AASS: variants seen among roughly 807,000 people sequenced by gnomAD.
The protein encoded by AASS is aminoadipate-semialdehyde synthase.
In AASS, 86 loss-of-function variants were observed where a neutral mutation model predicts 105.4. The observed-to-expected ratio is 0.82, with a 90% CI of 0.69 to 0.98. AASS has a LOEUF of 0.98. Ranked by LOEUF, AASS falls within the 50% of genes least tolerant of loss-of-function variation. The pLI is 0.00. For synonymous variants in AASS, 381 were observed against 394.8 expected, an observed-to-expected ratio of 0.96 and a Z score of 0.41; for missense variants, 1,048 against 1,143.2, an observed-to-expected ratio of 0.92 and a Z score of 1.20.
chr7:122,137,775 T>A (rs1009750326), intron 1 of AASS, among the ~76,000 whole-genome samples: 1 of 152,154 alleles, frequency 6.6e-6, no homozygotes, highest in African/African-American at 2.4e-5. Flanking sequence ...GTCCTGGATT[T>A]TGTGGTATTT....
intron 19 of AASS, chr7:122,082,982 G>A (rs1264967471): frequency 6.6e-5 from 47 of 707,270 alleles, no homozygotes; most frequent in Non-Finnish European, 9.6e-5. Context: ...GTGTGCAAAT[G>A]GGAAGCAGGG....
chr7:122,094,289 G>A (rs1198792014), intron 15 of AASS, among the ~76,000 whole-genome samples: 1 of 151,962 alleles, frequency 6.6e-6, no homozygotes, highest in Non-Finnish European at 1.5e-5. Flanking sequence ...GGAAAGACGT[G>A]ATCAATGACT....
intron 19 of AASS, chr7:122,082,990 G>T: frequency 1.6e-6 from 1 of 617,866 alleles, no homozygotes; most frequent in Non-Finnish European, 2.7e-6. Flanking sequence ...ATGGGAAGCA[G>T]GGTGAGAAGG....
Position 122,076,116 on chromosome 7 carries a change from G to T in AASS, c.*373C>A. The stretch of plus-strand genomic sequence containing the variant: ...GTGAACCCAGGAGGCGGAGCTTGCA[G>T]TGAGCCGAGATCGCGCCACTGCACT... On this transcript the variant is annotated 3_prime_UTR_variant, in exon 24 of 24. Transcript: ENST00000417368. 4.7e-6 allele frequency: 1 copy of T among 211,544 alleles called. No homozygotes were observed. The highest frequency in any genetic ancestry group is 6.7e-5 in the South Asian group (1 of 15,004). The allele number at this position is 211,544 out of a possible 1,614,324, so 13.1% of individuals were successfully genotyped here. A position where few individuals can be genotyped will look rare whatever the true frequency, so the allele number is the denominator to read the frequency against.
intron 8 of AASS, 124 bp downstream of exon 8, chr7:122,116,509 T>C: frequency 8.1e-7 from 1 of 1,234,150 alleles, no homozygotes; most frequent in Non-Finnish European, 1.2e-6. Flanking sequence ...CAAATCATGA[T>C]ACCCAAAGGA....
rs1228247933 is a variant in AASS at position 122,074,597 on chromosome 7, T to C, written c.*1892A>G. 6.6e-6 allele frequency among the ~76,000 whole-genome samples: 1 copy of C among 152,190 alleles called. No individual in the cohort carries two copies. The highest frequency in any genetic ancestry group is 1.5e-5 in the Non-Finnish European group (1 of 68,030). ...ACGCCATGTTTTCTTTGAAGATACT[T>C]ACAATATTAGCTCTTACATTTAGAT... On this transcript the variant is annotated 3_prime_UTR_variant, in exon 24 of 24. Transcript: ENST00000417368.
At chr7:122,090,663 A>G (rs987877054) in intron 18 of AASS, among the ~76,000 whole-genome samples, 9 of 152,160 alleles carry the variant, frequency 5.9e-5, no homozygotes, top group African/African-American at 1.4e-4. Flanking sequence ...TGAGGTGCCT[A>G]CAACACACAA....
chr7:122,141,186 C>A (rs1362775565), intron 1 of AASS, among the ~76,000 whole-genome samples: 1 of 152,148 alleles, frequency 6.6e-6, no homozygotes, highest in East Asian at 1.9e-4. Flanking sequence ...CCATGTTAAA[C>A]CCTCTATAAA....
chr7:122,109,820 C>G (rs1044728671), intron 11 of AASS, among the ~76,000 whole-genome samples: 1 of 151,770 alleles, frequency 6.6e-6, no homozygotes, highest in African/African-American at 2.4e-5. Flanking sequence ...TTACATCAAA[C>G]TAAAAAGCTT....
chr7:122,109,458 A>C (rs1035193111), intron 11 of AASS, among the ~76,000 whole-genome samples: 4 of 152,074 alleles, frequency 2.6e-5, no homozygotes, highest in Non-Finnish European at 5.9e-5. Context: ...AGACACATAA[A>C]CCAATGGAAC....
chr7:122,104,299 A>T lies in AASS; in HGVS notation c.1279-2619T>A, dbSNP rs532345399. Among the ~76,000 whole-genome samples, 20 of 151,762 alleles carry T rather than the reference A, an allele frequency of 1.3e-4. 1 individual carries two copies. The East Asian group carries it at 3.3e-3, about 25-fold the overall frequency. ...CACCATGGAATACTATGCAGCCATAAAAAAGAATGAAATTGGCCAGGCACA... is the reference window on the plus strand; with the variant it reads ...CACCATGGAATACTATGCAGCCATATAAAAGAATGAAATTGGCCAGGCACA... On this transcript the variant is annotated intron_variant, in intron 11 of 23. Transcript: ENST00000417368.
chr7:122,113,247 GT>G lies in AASS; in HGVS notation c.1167-19del, dbSNP rs1318125347. On this transcript the variant is annotated intron_variant, in intron 10 of 23. Coordinates refer to ENST00000417368, the MANE Select transcript of AASS (RefSeq NM_005763.4). ...CTTCAACACTAAAAGCAGCAATGTG[GT>G]TTATTCAGAAGCACAAAACATTATT... is the stretch of plus-strand genomic sequence containing the variant. 1 of 1,600,508 alleles carries G rather than the reference GT, an allele frequency of 6.2e-7. No homozygotes were observed. Among genetic ancestry groups the G allele is most frequent in the East Asian group, 2.2e-5 (1 of 44,774 alleles).
Position 122,116,684 on chromosome 7 carries a change from A to ATCT in AASS, c.842_843insAGA (p.Pro281_Ala282insAsp). The ATCT allele has an allele frequency of 1.2e-6, 2 of 1,614,188 alleles. No individual in the cohort carries two copies. Among genetic ancestry groups the ATCT allele is most frequent in the Non-Finnish European group, 1.7e-6 (2 of 1,180,004 alleles). On this transcript the variant is annotated inframe_insertion, in exon 8 of 24. Coordinates refer to ENST00000417368, the MANE Select transcript of AASS (RefSeq NM_005763.4). Reference sequence around the variant, plus strand: ...GCTCCGGATGTTTGTCATACTCTGCAGGATCATACACAGCATCTGTTTTCC... The same window carrying ATCT: ...GCTCCGGATGTTTGTCATACTCTGCATCTGGATCATACACAGCATCTGTTTTCC...
chr7:122,088,850 A>G (rs915427851), intron 18 of AASS, among the ~76,000 whole-genome samples: 5 of 152,128 alleles, frequency 3.3e-5, no homozygotes, highest in African/African-American at 9.7e-5. Flanking sequence ...GTAAAAAAGT[A>G]CACCACCACT....
rs534296741 is a variant in AASS at position 122,090,508 on chromosome 7, C to A, written c.2016+1195G>T. Among the ~76,000 whole-genome samples, 8 of 152,250 alleles carry A rather than the reference C, an allele frequency of 5.3e-5. No homozygotes were observed. The South Asian group carries it at 1.7e-3, about 32-fold the overall frequency. On this transcript the variant is annotated intron_variant, in intron 18 of 23. Coordinates refer to ENST00000417368, the MANE Select transcript of AASS (RefSeq NM_005763.4). ...CATTCACCTTGTTGCTTAAGAAATT[C>A]TTTCTCTCTACTCCTGAAATACATT...
chr7:122,089,786 T>C (rs561823767), intron 18 of AASS, among the ~76,000 whole-genome samples: 3 of 152,290 alleles, frequency 2.0e-5, no homozygotes, highest in Non-Finnish European at 2.9e-5. Flanking sequence ...TCCTTGCTCT[T>C]TCTTTTACAT....
intron 3 of AASS, among the ~76,000 whole-genome samples, chr7:122,127,766 G>T (rs981673513): frequency 2.0e-5 from 3 of 152,000 alleles, no homozygotes; most frequent in Non-Finnish European, 4.4e-5. Context: ...TGGAAGATGT[G>T]GACCTTAGAC....
Position 122,093,039 on chromosome 7 carries a change from A to T in AASS, c.1766+9T>A, listed in dbSNP as rs1218038150. The T allele has an allele frequency of 6.2e-7, 1 of 1,612,612 alleles. No homozygotes were observed. The highest frequency in any genetic ancestry group is 1.7e-4 in the Middle Eastern group (1 of 6,058). On this transcript the variant is annotated intron_variant, in intron 16 of 23. Transcript: ENST00000417368. ...TCCACTCAGTTTGTTTAAAATGATTAAAACTTACCTCTTTTCCAATTCTTT... is the reference window on the plus strand; with the variant it reads ...TCCACTCAGTTTGTTTAAAATGATTTAAACTTACCTCTTTTCCAATTCTTT...
chr7:122,100,969 G>A (rs77731746), intron 13 of AASS, among the ~76,000 whole-genome samples: 1 of 151,772 alleles, frequency 6.6e-6, no homozygotes, highest in African/African-American at 2.4e-5. Flanking sequence ...AAACAAAAGA[G>A]AGTCCAAATC....
Sources: gnomAD v4.1 joint callset for allele counts (sites outside exome capture counted in the v4.1 genomes callset) on GRCh38, gnomAD v4.1.1 for gene constraint, MANE v1.5 for transcripts, NCBI Gene and HGNC (gene_info 2026-07-23, HGNC 2026-07-21) for gene names.